KAT2A: variants seen among roughly 807,000 people sequenced by gnomAD.
KAT2A encodes the protein histone acetyltransferase KAT2A.
In KAT2A, 42 loss-of-function variants were observed where a neutral mutation model predicts 95.2. That is an observed-to-expected ratio of 0.44 (90% CI 0.34 to 0.57). The LOEUF (loss-of-function observed/expected upper bound fraction) is 0.57. KAT2A is among the 20% of genes least tolerant of loss of function. KAT2A has a pLI of 0.01. For synonymous variants in KAT2A, 449 were observed against 448.2 expected (o/e 1.00, Z -0.02); for missense variants, 784 against 1,126.3 (o/e 0.70, Z 4.35).
chr17:42,116,676 C>T (rs1209470932), intron 11 of KAT2A, among the ~76,000 whole-genome samples: 3 of 152,130 alleles, frequency 2.0e-5, no homozygotes, highest in Non-Finnish European at 4.4e-5. Flanking sequence ...GCAGTGAGCC[C>T]TGATCATGCC....
intron 6 of KAT2A, 115 bp from the exon 7 acceptor site, chr17:42,118,518 G>A: frequency 1.4e-6 from 1 of 716,740 alleles, no homozygotes; most frequent in Non-Finnish European, 2.5e-6. Context: ...GGGAACTGGG[G>A]ACCTGAGAGA....
At position 42,114,042 on chromosome 17, in the gene KAT2A, A is replaced by C. The variant is rs1302594895; in HGVS notation, c.2278T>G (p.Ser760Ala). 5.9e-6 allele frequency: 9 copies of C among 1,523,066 alleles called. No individual in the cohort carries two copies. The highest frequency in any genetic ancestry group is 7.9e-6 in the Non-Finnish European group (9 of 1,141,486). 94.3% of individuals were successfully genotyped at this position (1,523,066 alleles called of 1,614,324 possible). A position where few individuals can be genotyped will look rare whatever the true frequency, so the allele number is the denominator to read the frequency against. The change falls in exon 17 of 18, where the codon TCG becomes GCG. Residue 760 changes from serine (S) to alanine (A), a missense_variant. Ser to Ala is a moderately conservative substitution (Grantham distance 99). This residue lies in a region of KAT2A where 195 missense variants were observed against 247.1 expected (regional missense o/e 0.79). Transcript: ENST00000225916. The surrounding 1 kb of genome is among the most constrained non-coding windows in gnomAD (Gnocchi z 6.0). ...ACCTCGTAGTAGTCAGGGGCCTCCGACTTCTTCACAGGCTCCATGAAGGGC... is the reference window on the plus strand; with the variant it reads ...ACCTCGTAGTAGTCAGGGGCCTCCGCCTTCTTCACAGGCTCCATGAAGGGC... Reference protein sequence around the residue: ...AWPFMEPVKKSEAPDYYEVIR... With the variant: ...AWPFMEPVKKAEAPDYYEVIR...
Position 42,113,777 on chromosome 17 carries a change from C to T in KAT2A, c.2386G>A (p.Asp796Asn), listed in dbSNP as rs1555665209. Reference protein sequence around the residue: ...YYVTRKLFVADLQRVIANCRE... With the variant: ...YYVTRKLFVANLQRVIANCRE... ...CAGTTGGCGATGACCCGCTGCAGGT[C>T]GGCCACAAAGAGCTTCCGGGTCACG... The change falls in exon 18 of 18, where the codon GAC (aspartate) becomes AAC (asparagine). Residue 796 changes from aspartate to asparagine, a missense_variant. This residue lies in a region of KAT2A where 195 missense variants were observed against 247.1 expected (regional missense o/e 0.79). Transcript: ENST00000225916. The T allele has an allele frequency of 6.2e-7, 1 of 1,610,148 alleles. No homozygotes were observed.
In KAT2A at chr17:42,120,205, C is replaced by A. The variant is rs782058802; in HGVS notation, c.609+20G>T. The A allele has an allele frequency of 3.1e-6, 5 of 1,614,152 alleles. No homozygotes were observed. The highest frequency in any genetic ancestry group is 3.4e-6 in the Non-Finnish European group (4 of 1,179,968). On this transcript the variant is annotated intron_variant, in intron 3 of 17. Coordinates refer to ENST00000225916, the MANE Select transcript of KAT2A (RefSeq NM_021078.3). ...AGGCCCCACCTCCTTCACTCACACC[C>A]TCCTTTAGTGGAAGCTCACCTTGAA...
Position 42,113,558 on chromosome 17 carries a change from T to C in KAT2A, c.*91A>G. On this transcript the variant is annotated 3_prime_UTR_variant, in exon 18 of 18. Coordinates refer to ENST00000225916, the MANE Select transcript of KAT2A (RefSeq NM_021078.3). ...CTTGGCTGGAGTGTCTCAAGCTGAG[T>C]CGGGTCCGTGGGGCCAGGGCACCCC... 2 of 1,267,424 alleles carry C rather than the reference T, an allele frequency of 1.6e-6. No homozygotes were observed. The highest frequency in any genetic ancestry group is 2.2e-6 in the Non-Finnish European group (2 of 910,700). The allele number at this position is 1,267,424 out of a possible 1,614,324, so 78.5% of individuals were successfully genotyped here. A position where few individuals can be genotyped will look rare whatever the true frequency, so the allele number is the denominator to read the frequency against.
chr17:42,114,370 C>A lies in KAT2A; in HGVS notation c.2159G>T (p.Gly720Val). The stretch of plus-strand genomic sequence containing the variant: ...CTTTGACACTCACCCCTTCTCCTTC[C>A]CCAATGGCTTCCAGCCTGTCTCTCC... ...GIRETGWKPL[G>V]KEKGKELKDP... The change falls in exon 15 of 18, where the codon GGG becomes GTG. Residue 720 changes from glycine to valine, a missense_variant. Coordinates refer to ENST00000225916, the MANE Select transcript of KAT2A (RefSeq NM_021078.3). The surrounding 1 kb of genome is among the most constrained non-coding windows in gnomAD (Gnocchi z 6.0). The A allele has an allele frequency of 2.5e-6, 4 of 1,614,070 alleles. No homozygotes were observed. Among genetic ancestry groups the A allele is most frequent in the Non-Finnish European group, 3.4e-6 (4 of 1,179,972 alleles).
rs939532247 is a variant in KAT2A at position 42,115,902 on chromosome 17, C to T, written c.1765-69G>A. ...CCTGGTGCTGGAGAGGTCTCAGAGACCAGAGAAGAGCGGGTAGATTGGAAA... is the reference window on the plus strand; with the variant it reads ...CCTGGTGCTGGAGAGGTCTCAGAGATCAGAGAAGAGCGGGTAGATTGGAAA... On this transcript the variant is annotated intron_variant, in intron 11 of 17. Transcript: ENST00000225916. 5.7e-5 allele frequency: 50 copies of T among 876,172 alleles called. No individual in the cohort carries two copies. The South Asian group carries it at 6.6e-4, about 11-fold the overall frequency. 54.3% of individuals were successfully genotyped at this position (876,172 alleles called of 1,614,324 possible).
In KAT2A at chr17:42,114,139, A is replaced by G; in HGVS notation, c.2236-55T>C. ...CCTGCTGCGCCCACGCCAGCCCGAG[A>G]CCACTACCCACCCCACACTGCATCA... On this transcript the variant is annotated intron_variant, in intron 16 of 17. Transcript: ENST00000225916. This position sits in a 1 kb window ranked among gnomAD's most constrained non-coding sequence, Gnocchi z 6.0. 7 of 1,574,240 alleles carry G rather than the reference A, an allele frequency of 4.4e-6. No homozygotes were observed. In the South Asian group the frequency reaches 8.1e-5, roughly 18 times the overall value.
chr17:42,121,179 G>T lies in KAT2A; in HGVS notation c.126C>A (p.Pro42=). The change falls in exon 1 of 18, where the codon CCC becomes CCA. Residue 42 remains proline (P), a synonymous_variant. Transcript: ENST00000225916. ...PSPASAPIPT[P]TPAPAPAPAA... is the part of the protein sequence containing the mutation. ...CTGGGGCAGGGGCTGGTGCCGGGGT[G>T]GGAGTCGGAATCGGGGCTGAAGCCG... The T allele has an allele frequency of 7.2e-7, 1 of 1,395,154 alleles. No individual in the cohort carries two copies. Among genetic ancestry groups the T allele is most frequent in the Non-Finnish European group, 9.5e-7 (1 of 1,051,244 alleles). The allele number at this position is 1,395,154 out of a possible 1,614,324, so 86.4% of individuals were successfully genotyped here.
Position 42,119,115 on chromosome 17 carries a change from G to C in KAT2A, c.1073+130C>G. On this transcript the variant is annotated intron_variant, in intron 6 of 17. Coordinates refer to ENST00000225916, the MANE Select transcript of KAT2A (RefSeq NM_021078.3). The surrounding 1 kb of genome is among the most constrained non-coding windows in gnomAD (Gnocchi z 5.3). The stretch of plus-strand genomic sequence containing the variant: ...GGGCCATGGGCAAGTCTGCCAGGTA[G>C]ACGCCCAGATCCCAAAAGGCCCATG... 6.7e-7 allele frequency: 1 copy of C among 1,501,984 alleles called. No individual in the cohort carries two copies. Among genetic ancestry groups the C allele is most frequent in the Non-Finnish European group, 8.9e-7 (1 of 1,127,118 alleles). 93.0% of individuals were successfully genotyped at this position (1,501,984 alleles called of 1,614,324 possible).
At position 42,113,240 on chromosome 17, in the gene KAT2A, T is replaced by C. The variant is rs2054194506; in HGVS notation, c.*409A>G. The C allele has an allele frequency of 5.8e-6, 1 of 173,650 alleles. No individual in the cohort carries two copies. The highest frequency in any genetic ancestry group is 1.2e-5 in the Non-Finnish European group (1 of 82,168). 10.8% of individuals were successfully genotyped at this position (173,650 alleles called of 1,614,324 possible). On this transcript the variant is annotated 3_prime_UTR_variant, in exon 18 of 18. Transcript: ENST00000225916. ...GGACAAGGCATGGCCCCCTTCAGTT[T>C]GGGCTGAACTTCCAACCCCTGAAGC...
Position 42,119,545 on chromosome 17 carries a change from A to G in KAT2A, c.873T>C (p.Asn291=). ...QAEDVATYKV[N]YTRWLCYCHV... Reference sequence around the variant, plus strand: ...CCCCTGGCTGGGCCTACCTGGTGTAATTGACCTTGTAGGTAGCCACGTCCT... The same window carrying G: ...CCCCTGGCTGGGCCTACCTGGTGTAGTTGACCTTGTAGGTAGCCACGTCCT... Residue 291 remains asparagine, a synonymous_variant, in exon 5 of 18, where the codon AAT becomes AAC. Coordinates refer to ENST00000225916, the MANE Select transcript of KAT2A (RefSeq NM_021078.3). The surrounding 1 kb of genome is among the most constrained non-coding windows in gnomAD (Gnocchi z 5.3). 1 of 1,595,202 alleles carries G rather than the reference A, an allele frequency of 6.3e-7. No homozygotes were observed. Among genetic ancestry groups the G allele is most frequent in the Non-Finnish European group, 8.6e-7 (1 of 1,169,270 alleles).
chr17:42,114,388 G>A lies in KAT2A; in HGVS notation c.2141C>T (p.Thr714Ile), dbSNP rs782463604. 1 of 1,613,952 alleles carries A rather than the reference G, an allele frequency of 6.2e-7. No homozygotes were observed. Among genetic ancestry groups the A allele is most frequent in the Admixed American group, 1.7e-5 (1 of 60,002 alleles). The stretch of plus-strand genomic sequence containing the variant: ...CTCCTTCCCCAATGGCTTCCAGCCT[G>A]TCTCTCCTGCAAAGTGGGAAGTGGG... ...PVESVPGIRE[T>I]GWKPLGKEKG... The change falls in exon 15 of 18, where the codon ACA (threonine) becomes ATA (isoleucine). Residue 714 changes from threonine (T) to isoleucine (I), a missense_variant. Transcript: ENST00000225916. The surrounding 1 kb of genome is among the most constrained non-coding windows in gnomAD (Gnocchi z 6.0).
In KAT2A at chr17:42,114,718, C is replaced by A; in HGVS notation, c.2020-114G>T. The stretch of plus-strand genomic sequence containing the variant: ...CCAGCTGCAACGCCACCTAATCCAG[C>A]ACCTCCCCTCATAACTTCCCCAAGG... On this transcript the variant is annotated intron_variant, in intron 13 of 17. Coordinates refer to ENST00000225916, the MANE Select transcript of KAT2A (RefSeq NM_021078.3). The surrounding 1 kb of genome is among the most constrained non-coding windows in gnomAD (Gnocchi z 6.0). 1.7e-6 allele frequency: 2 copies of A among 1,159,614 alleles called. No homozygotes were observed. The highest frequency in any genetic ancestry group is 1.5e-5 in the African/African-American group (1 of 66,140). The allele number at this position is 1,159,614 out of a possible 1,614,324, so 71.8% of individuals were successfully genotyped here.
chr17:42,118,404 C>T lies in KAT2A; in HGVS notation c.1074-1G>A. On this transcript the variant is annotated splice_acceptor_variant, in intron 6 of 17. Coordinates refer to ENST00000225916, the MANE Select transcript of KAT2A (RefSeq NM_021078.3). LOFTEE classifies it high-confidence loss of function. ...CTCCTCCTCCAGCATGGACAGGAAT[C>T]TGTAGGGAGGACACAGTCTGTCCCA... is the stretch of plus-strand genomic sequence containing the variant. The T allele has an allele frequency of 6.3e-7, 1 of 1,597,700 alleles. No individual in the cohort carries two copies. Among genetic ancestry groups the T allele is most frequent in the Non-Finnish European group, 8.6e-7 (1 of 1,165,126 alleles).
Position 42,121,350 on chromosome 17 carries a change from G to C in KAT2A, c.-46C>G, listed in dbSNP as rs1555667405. On this transcript the variant is annotated 5_prime_UTR_variant, in exon 1 of 18. Transcript: ENST00000225916. ...GCGGCGCCGCGCTCCCAGCCCTAGG[G>C]CCGCATGGGCAACCAGCGCTCAGTG... 2 of 1,353,194 alleles carry C rather than the reference G, an allele frequency of 1.5e-6. No individual in the cohort carries two copies. Among genetic ancestry groups the C allele is most frequent in the Non-Finnish European group, 1.9e-6 (2 of 1,059,538 alleles). 83.8% of individuals were successfully genotyped at this position (1,353,194 alleles called of 1,614,324 possible). A position where few individuals can be genotyped will look rare whatever the true frequency, so the allele number is the denominator to read the frequency against.
chr17:42,113,969 G>C, intron 17 of KAT2A, 31 bp downstream of exon 17: 1 of 1,497,320 alleles, frequency 6.7e-7, no homozygotes, highest in Non-Finnish European at 8.9e-7. Context: ...GACAGAAGAG[G>C]AGGGAAGGGG....
chr17:42,120,453 T>TA, intron 2 of KAT2A, 83 bp from the exon 3 acceptor site: 1 of 1,447,034 alleles, frequency 6.9e-7, no homozygotes, highest in Non-Finnish European at 9.7e-7. Flanking sequence ...CCAAGCAAGA[T>TA]ACACACTCTG....
At chr17:42,118,970 T>C in intron 6 of KAT2A, 1 of 1,208,232 alleles carries the variant, frequency 8.3e-7, no homozygotes, top group Non-Finnish European at 1.0e-6. Context: ...TCTGAGGCTG[T>C]GTCCAGGCCC....
Sources: allele counts gnomAD v4.1 joint callset (sites outside exome capture counted in the v4.1 genomes callset), GRCh38; gene constraint gnomAD v4.1.1; regional missense constraint gnomAD v4.1.1; non-coding constraint Gnocchi (gnomAD v3.1); transcripts MANE v1.5; gene names NCBI Gene and HGNC (gene_info 2026-07-23, HGNC 2026-07-21).